PHEX: variants seen among roughly 807,000 people sequenced by gnomAD.
PHEX encodes phosphate regulating endopeptidase X-linked.
PHEX carries 16 observed loss-of-function variants against 68.0 expected under a neutral mutation model. The ratio of observed to expected loss-of-function variants is 0.24; its 90% confidence interval spans 0.16 to 0.36. The LOEUF (loss-of-function observed/expected upper bound fraction) is 0.36. PHEX is among the 10% of genes least tolerant of loss of function. The pLI, the probability that PHEX is intolerant of heterozygous loss-of-function variation, is 1.00. For missense variants in PHEX, 480 were observed against 575.5 expected (o/e 0.83, Z 1.70); for synonymous variants, 208 against 205.1 (o/e 1.01, Z -0.12).
intron 13 of PHEX, chrX:22,171,173 G>T (rs779814394): frequency 9.0e-6 from 1 of 111,515 alleles, no homozygotes; most frequent in Admixed American, 9.5e-5. Flanking sequence ...CCACACGGCT[G>T]GGGAGGCCTC....
At chrX:22,214,578 C>T (rs1196361767) in intron 16 of PHEX, among the ~76,000 whole-genome samples, 1 of 111,783 alleles carries the variant, frequency 8.9e-6, no homozygotes, top group Non-Finnish European at 1.9e-5. Context: ...ATCTCAGGGA[C>T]ATGGGAGCTG....
intron 9 of PHEX, among the ~76,000 whole-genome samples, chrX:22,103,460 C>T (rs1426803141): frequency 9.0e-6 from 1 of 110,767 alleles, no homozygotes; most frequent in Non-Finnish European, 1.9e-5. Flanking sequence ...TACCCCCTCC[C>T]ACTCTCCCCC....
At chrX:22,126,003 T>C (rs2058808843) in intron 11 of PHEX, among the ~76,000 whole-genome samples, 1 of 111,806 alleles carries the variant, frequency 8.9e-6, no homozygotes, top group African/African-American at 3.3e-5. Context: ...AGGTGCCAAT[T>C]GAAGGTTTCA....
intron 17 of PHEX, 132 bp downstream of exon 17, chrX:22,219,235 G>C (rs1055178930): frequency 2.0e-6 from 1 of 509,840 alleles, no homozygotes; most frequent in African/African-American, 2.3e-5. Context: ...TATGATTGCT[G>C]ATTGAAAACT....
intron 1 of PHEX, among the ~76,000 whole-genome samples, chrX:22,033,988 T>C (rs1200081701): frequency 1.8e-5 from 2 of 112,393 alleles, no homozygotes; most frequent in African/African-American, 6.5e-5. Flanking sequence ...CATGTTTATT[T>C]TGGCAGGGGT....
Position 22,186,983 on chromosome X carries a change from A to C in PHEX, c.1587-3461A>C, listed in dbSNP as rs1295676770. Among the ~76,000 whole-genome samples, 7 of 112,425 alleles carry C rather than the reference A, an allele frequency of 6.2e-5. 1 individual carries two copies. Among genetic ancestry groups the C allele is most frequent in the African/African-American group, 2.3e-4 (7 of 30,904 alleles). On this transcript the variant is annotated intron_variant, in intron 14 of 21. Coordinates refer to ENST00000379374, the MANE Select transcript of PHEX (RefSeq NM_000444.6). ...ATTATGATTCATTCCAGTGTTATTTAGAAGCCAAGGCACCCACCTGGATTT... is the reference window on the plus strand; with the variant it reads ...ATTATGATTCATTCCAGTGTTATTTCGAAGCCAAGGCACCCACCTGGATTT...
intron 3 of PHEX, among the ~76,000 whole-genome samples, chrX:22,067,666 T>C (rs1352743527): frequency 9.0e-6 from 1 of 110,878 alleles, no homozygotes; most frequent in Non-Finnish European, 1.9e-5. Flanking sequence ...GTGAGTGCTG[T>C]TGGTTTAAAG....
intron 11 of PHEX, among the ~76,000 whole-genome samples, chrX:22,127,440 T>A (rs1030149117): frequency 1.3e-4 from 14 of 111,447 alleles, no homozygotes; most frequent in Non-Finnish European, 2.3e-4. Context: ...TTTCTTATTT[T>A]AAAATTACAG....
chrX:22,083,359 G>T (rs1292485992), intron 5 of PHEX, among the ~76,000 whole-genome samples: 3 of 111,674 alleles, frequency 2.7e-5, no homozygotes, highest in African/African-American at 9.8e-5. Context: ...GGTCTTTCGT[G>T]GTTCCATATA....
intron 2 of PHEX, 127 bp downstream of exon 2, chrX:22,038,664 A>C: frequency 1.9e-6 from 1 of 539,747 alleles, no homozygotes; most frequent in African/African-American, 2.3e-5. Flanking sequence ...TGCAATTTTG[A>C]AGAAATTTTA....
chrX:22,147,324 C>T (rs759162169), intron 12 of PHEX, among the ~76,000 whole-genome samples: 14 of 110,821 alleles, frequency 1.3e-4, no homozygotes, highest in African/African-American at 4.6e-4. Flanking sequence ...TTGTGTTGCT[C>T]ATTCTCTTTG....
chrX:22,096,830 G>A (rs779131270), intron 7 of PHEX, 125 bp from the exon 8 acceptor site: 148 of 535,579 alleles, frequency 2.8e-4, no homozygotes, highest in Non-Finnish European at 3.9e-4. Context: ...CCCCGAGTTG[G>A]GGACCACACC....
In PHEX at chrX:22,073,410, C is replaced by T. The variant is rs184572559; in HGVS notation, c.350-2978C>T. ...TGGGGCTTAGAGGGATTAAATAACT[C>T]GCTCGAATTCCAGCTAGCAAGTTGC... On this transcript the variant is annotated intron_variant, in intron 3 of 21. Transcript: ENST00000379374. 4.3e-3 allele frequency among the ~76,000 whole-genome samples: 478 copies of T among 111,639 alleles called. 5 individuals are homozygous for T. The highest frequency in any genetic ancestry group is 0.015 in the African/African-American group (447 of 30,826).
intron 3 of PHEX, among the ~76,000 whole-genome samples, chrX:22,050,685 C>T (rs956173684): frequency 4.2e-4 from 46 of 109,410 alleles, no homozygotes; most frequent in African/African-American, 1.4e-3. Flanking sequence ...CCCCTGAAAA[C>T]GTACACTTTT....
rs3085228 is a variant in PHEX, at chrX:22,185,756, GT to G, written c.1587-4671del. ...CTCAGCTGCATGGTTCTCGTTTGTG[GT>G]TTTTTTTTTTTTTTTTGGACACAGA... On this transcript the variant is annotated intron_variant, in intron 14 of 21. Coordinates refer to ENST00000379374, the MANE Select transcript of PHEX (RefSeq NM_000444.6). Among the ~76,000 whole-genome samples the G allele has an allele frequency of 7.0e-4, 61 of 87,759 alleles. 1 individual carries two copies. The South Asian group carries it at 9.6e-3, about 14-fold the overall frequency. 76.2% of individuals were successfully genotyped at this position (87,759 alleles called of 115,157 possible). A position where few individuals can be genotyped will look rare whatever the true frequency, so the allele number is the denominator to read the frequency against.
chrX:22,219,263 G>A (rs890420340), intron 17 of PHEX, among the ~76,000 whole-genome samples, 160 bp downstream of exon 17: 1 of 112,835 alleles, frequency 8.9e-6, no homozygotes, highest in Non-Finnish European at 1.9e-5. Context: ...GTGTCTTGCT[G>A]TGATGGCTTG....
rs1928904737 is a variant in PHEX at position 22,071,634 on chromosome X, A to G, written c.350-4754A>G. ...TATACCAAAAGTATTTCTTGGTGAT[A>G]TTATTTGAGGCCCAATGACCAAAAA... On this transcript the variant is annotated intron_variant, in intron 3 of 21. Coordinates refer to ENST00000379374, the MANE Select transcript of PHEX (RefSeq NM_000444.6). Among the ~76,000 whole-genome samples the G allele has an allele frequency of 2.7e-5, 3 of 112,260 alleles. No individual in the cohort carries two copies. In the Admixed American group the frequency reaches 2.8e-4, roughly 11 times the overall value.
At chrX:22,215,024 A>G (rs771179777) in intron 16 of PHEX, among the ~76,000 whole-genome samples, 3 of 111,796 alleles carry the variant, frequency 2.7e-5, no homozygotes, top group African/African-American at 9.7e-5. Context: ...AAAAAGTCCT[A>G]TAATTCTTTG....
At chrX:22,213,049 T>C in intron 16 of PHEX, 91 bp downstream of exon 16, 1 of 731,273 alleles carries the variant, frequency 1.4e-6, no homozygotes, top group Non-Finnish European at 2.2e-6. Context: ...TCAAAGGTTA[T>C]TCAGCAGAAA....
Sources: allele counts gnomAD v4.1 joint callset (sites outside exome capture counted in the v4.1 genomes callset), GRCh38; gene constraint gnomAD v4.1.1; transcripts MANE v1.5; gene names NCBI Gene and HGNC (gene_info 2026-07-23, HGNC 2026-07-21).